Variants in CDC42BPB observed in about 807,000 individuals in gnomAD.
The protein encoded by CDC42BPB is CDC42 binding protein kinase beta.
In CDC42BPB, 37 loss-of-function variants were observed where a neutral mutation model predicts 214.9. That is an observed-to-expected ratio of 0.17 (90% CI 0.13 to 0.23). CDC42BPB has a LOEUF of 0.23. Among genes scored for constraint, CDC42BPB ranks in the 10% least tolerant of loss-of-function variants. CDC42BPB has a pLI of 1.00. For synonymous variants in CDC42BPB, 931 were observed against 884.0 expected (o/e 1.05, Z -0.94); for missense variants, 1,694 against 2,227.0 (o/e 0.76, Z 4.82).
chr14:103,027,139 C>A (rs917481158), intron 1 of CDC42BPB, among the ~76,000 whole-genome samples: 3 of 152,164 alleles, frequency 2.0e-5, no homozygotes, highest in Non-Finnish European at 4.4e-5. Context: ...GTAACCAGAC[C>A]TCACTTCACA....
chr14:102,954,205 C>G lies in CDC42BPB; in HGVS notation c.3059G>C (p.Gly1020Ala). 1 of 1,549,000 alleles carries G rather than the reference C, an allele frequency of 6.5e-7. No homozygotes were observed. The change falls in exon 23 of 37, where the codon GGA becomes GCA. Residue 1020 changes from glycine to alanine, a missense_variant. Gly to Ala is a moderately conservative substitution (Grantham distance 60). This residue lies in a region of CDC42BPB where 567 missense variants were observed against 790.3 expected (regional missense o/e 0.72). Coordinates refer to ENST00000361246, the MANE Select transcript of CDC42BPB (RefSeq NM_006035.4). ...LPTTQALALA[G>A]PKPKAHQFSI... is the part of the protein sequence containing the mutation. ...TGAAAGCAAGGCCCCTACCTTCGGT[C>G]CAGCCAGAGCCAGGGCCTGCGTGGT... is the stretch of plus-strand genomic sequence containing the variant.
chr14:102,975,824 G>A (rs372606361), intron 10 of CDC42BPB, 21 bp from the exon 11 acceptor site: 18 of 1,613,986 alleles, frequency 1.1e-5, no homozygotes, highest in East Asian at 2.2e-5. Flanking sequence ...GAGAGACAGC[G>A]TGAGGTGCAG....
Position 102,950,456 on chromosome 14 carries a change from A to C in CDC42BPB, c.3309+10T>G. The C allele has an allele frequency of 6.2e-7, 1 of 1,612,534 alleles. No individual in the cohort carries two copies. Among genetic ancestry groups the C allele is most frequent in the Non-Finnish European group, 8.5e-7 (1 of 1,179,886 alleles). On this transcript the variant is annotated intron_variant, in intron 25 of 36. Transcript: ENST00000361246. ...CACCGAGGGCTGAGGGCGGAGATGA[A>C]GCCGCCTACCTTGACATGGCCTTTG... is the stretch of plus-strand genomic sequence containing the variant.
chr14:102,984,836 G>T lies in CDC42BPB; in HGVS notation c.691-1080C>A, dbSNP rs973550735. On this transcript the variant is annotated intron_variant, in intron 6 of 36. Coordinates refer to ENST00000361246, the MANE Select transcript of CDC42BPB (RefSeq NM_006035.4). The stretch of plus-strand genomic sequence containing the variant: ...CAGCACCCCAGAGCCAGTGGTGTGA[G>T]AACTGCTCAGGCTGAATGGATCAGC... 2.6e-5 allele frequency among the ~76,000 whole-genome samples: 4 copies of T among 152,192 alleles called. No individual in the cohort carries two copies. The East Asian group carries it at 7.7e-4, about 29-fold the overall frequency.
intron 5 of CDC42BPB, 137 bp from the exon 6 acceptor site, chr14:102,986,717 C>A (rs1427770799): frequency 7.4e-7 from 1 of 1,358,852 alleles, no homozygotes; most frequent in Non-Finnish European, 9.5e-7. Context: ...AGTACAAATG[C>A]CTCTGTGTGA....
At chr14:102,984,034 C>T (rs1351146197) in intron 6 of CDC42BPB, 1 of 227,390 alleles carries the variant, frequency 4.4e-6, no homozygotes, top group Non-Finnish European at 7.3e-6. Context: ...TCTAACGAAA[C>T]AAAACGGAAT....
chr14:102,980,838 G>A lies in CDC42BPB; in HGVS notation c.1075C>T (p.Pro359Ser). The A allele has an allele frequency of 6.2e-7, 1 of 1,614,166 alleles. No individual in the cohort carries two copies. Among genetic ancestry groups the A allele is most frequent in the Non-Finnish European group, 8.5e-7 (1 of 1,180,008 alleles). The change falls in exon 8 of 37, where the codon CCT (proline) becomes TCT (serine). Residue 359 changes from proline (P) to serine (S), a missense_variant. Physicochemically the swap from Pro to Ser is moderately conservative, Grantham distance 74. Transcript: ENST00000361246. ...NIRNLEAPYI[P>S]DVSSPSDTSN... is the part of the protein sequence containing the mutation. ...GTGTCAGAGGGACTGCTCACATCAG[G>A]AATATAAGGTGCTTCTAGGTTTCGT...
chr14:103,002,884 T>C (rs1404582818), intron 4 of CDC42BPB, among the ~76,000 whole-genome samples: 1 of 152,152 alleles, frequency 6.6e-6, no homozygotes, highest in Non-Finnish European at 1.5e-5. Flanking sequence ...ATATAAAGTC[T>C]ACATAAGTAC....
chr14:102,968,224 T>A (rs765981803), intron 16 of CDC42BPB, 29 bp downstream of exon 16: 1 of 1,524,732 alleles, frequency 6.6e-7, no homozygotes, highest in African/African-American at 1.4e-5. Context: ...CCACACAAAG[T>A]GCTAACTCAG....
Position 103,016,939 on chromosome 14 carries a change from G to T in CDC42BPB, c.176-4751C>A, listed in dbSNP as rs547299567. Among the ~76,000 whole-genome samples the T allele has an allele frequency of 1.1e-4, 17 of 152,270 alleles. No homozygotes were observed. The East Asian group carries it at 2.3e-3, about 21-fold the overall frequency. ...CTCAGGCAGCTCCAGAGCTGGGTCA[G>T]GAAACCGCAAGGTGAGCCTGCAGCA... On this transcript the variant is annotated intron_variant, in intron 1 of 36. Coordinates refer to ENST00000361246, the MANE Select transcript of CDC42BPB (RefSeq NM_006035.4).
chr14:103,013,629 G>A (rs892871735), intron 1 of CDC42BPB, among the ~76,000 whole-genome samples: 1 of 152,232 alleles, frequency 6.6e-6, no homozygotes, highest in African/African-American at 2.4e-5. Flanking sequence ...AAGGAGAGAA[G>A]TCAGACTCAG....
intron 1 of CDC42BPB, chr14:103,012,433 G>A (rs767383850): frequency 2.0e-4 from 37 of 184,630 alleles, no homozygotes; most frequent in Non-Finnish European, 2.9e-4. Flanking sequence ...TGTTGCAGCC[G>A]ACGACGGACC....
At chr14:103,056,488 G>T (rs1314614016) in intron 1 of CDC42BPB, among the ~76,000 whole-genome samples, 1 of 151,880 alleles carries the variant, frequency 6.6e-6, no homozygotes, top group African/African-American at 2.4e-5. Context: ...ACACCCAGCT[G>T]CCCCCACAAC....
chr14:102,940,333 G>C lies in CDC42BPB; in HGVS notation c.4409-9C>G. On this transcript the variant is annotated splice_polypyrimidine_tract_variant and intron_variant, in intron 30 of 36. Coordinates refer to ENST00000361246, the MANE Select transcript of CDC42BPB (RefSeq NM_006035.4). ...GTGGGTGGGGCTGCAACCTAGCGCA[G>C]ACGGAGCAGGGCGGGGTGAGCCACA... The C allele has an allele frequency of 6.4e-7, 1 of 1,560,712 alleles. No individual in the cohort carries two copies. The highest frequency in any genetic ancestry group is 8.7e-7 in the Non-Finnish European group (1 of 1,152,680).
intron 18 of CDC42BPB, among the ~76,000 whole-genome samples, chr14:102,965,540 G>A (rs1460845079): frequency 1.3e-5 from 2 of 152,130 alleles, no homozygotes; most frequent in South Asian, 4.1e-4. Flanking sequence ...CTTTCGAGAG[G>A]TATCAAAGAA....
At position 102,966,397 on chromosome 14, in the gene CDC42BPB, G is replaced by A. The variant is rs1369162733; in HGVS notation, c.2472-10C>T. 1 of 1,612,772 alleles carries A rather than the reference G, an allele frequency of 6.2e-7. No homozygotes were observed. Among genetic ancestry groups the A allele is most frequent in the African/African-American group, 1.3e-5 (1 of 75,016 alleles). ...TTTCTCGTCACTGACCCTGGAGGAGGGAACAGATGTTCTATCTCACGAAGC... is the reference window on the plus strand; with the variant it reads ...TTTCTCGTCACTGACCCTGGAGGAGAGAACAGATGTTCTATCTCACGAAGC... On this transcript the variant is annotated splice_polypyrimidine_tract_variant and intron_variant, in intron 17 of 36. Transcript: ENST00000361246.
chr14:103,034,102 T>A (rs1887537641), intron 1 of CDC42BPB, among the ~76,000 whole-genome samples: 1 of 152,262 alleles, frequency 6.6e-6, no homozygotes, highest in African/African-American at 2.4e-5. Context: ...TCAAAAAGTC[T>A]AAGATGGCGA....
At chr14:103,031,828 C>T (rs964793946) in intron 1 of CDC42BPB, among the ~76,000 whole-genome samples, 4 of 152,116 alleles carry the variant, frequency 2.6e-5, no homozygotes, top group Non-Finnish European at 5.9e-5. Context: ...CAGCATCACT[C>T]ACATGGGTGG....
At chr14:103,041,445 G>A (rs1283190082) in intron 1 of CDC42BPB, 2 of 909,996 alleles carry the variant, frequency 2.2e-6, no homozygotes, top group African/African-American at 1.7e-5. Flanking sequence ...TTGTTTTCCT[G>A]CACAGAAGGG....
Sources: allele counts gnomAD v4.1 joint callset (sites outside exome capture counted in the v4.1 genomes callset), GRCh38; gene constraint gnomAD v4.1.1; regional missense constraint gnomAD v4.1.1; transcripts MANE v1.5; gene names NCBI Gene and HGNC (gene_info 2026-07-23, HGNC 2026-07-21).